Variants in CDKL5 observed in about 807,000 individuals in gnomAD.
CDKL5 encodes cyclin dependent kinase like 5.
In CDKL5, 8 loss-of-function variants were observed where a neutral mutation model predicts 61.7. The observed-to-expected ratio is 0.13, with a 90% CI of 0.08 to 0.23. The LOEUF (loss-of-function observed/expected upper bound fraction) is 0.23. Among genes scored for constraint, CDKL5 ranks in the 10% least tolerant of loss-of-function variants. CDKL5 has a pLI of 1.00. For missense variants in CDKL5, 440 were observed against 734.5 expected (o/e 0.60, Z 4.63); for synonymous variants, 275 against 272.3 (o/e 1.01, Z -0.10).
chrX:18,580,112 A>G (rs1272123969), intron 6 of CDKL5, 144 bp downstream of exon 6: 1 of 510,167 alleles, frequency 2.0e-6, no homozygotes, highest in East Asian at 3.7e-5. Context: ...GCAAGACATG[A>G]GAAATATTTG....
Position 18,604,676 on chromosome X carries a change from A to G in CDKL5, c.1752A>G (p.Ser584=), listed in dbSNP as rs1282721902. 1.7e-6 allele frequency: 2 copies of G among 1,211,674 alleles called. No individual in the cohort carries two copies. The highest frequency in any genetic ancestry group is 1.1e-6 in the Non-Finnish European group (1 of 895,151). The change falls in exon 12 of 18, where the codon TCA becomes TCG. Residue 584 remains serine, a synonymous_variant. Transcript: ENST00000623535. The stretch of plus-strand genomic sequence containing the variant: ...ACATGGACAGTAGCCATTCCCATTC[A>G]CTGTCTGCACCTCACGAATCTTTTT... ...PEHMDSSHSH[S]LSAPHESFSY...
At position 18,542,615 on chromosome X, in the gene CDKL5, T is replaced by A. The variant is rs770967251; in HGVS notation, c.100-21862T>A. ...GTGTTAATGTCTCTTAATTGTCTTC[T>A]TTCATTCATTCAGGTTGTGATTTTC... On this transcript the variant is annotated intron_variant, in intron 3 of 17. Coordinates refer to ENST00000623535, the MANE Select transcript of CDKL5 (RefSeq NM_001323289.2). 2.7e-5 allele frequency among the ~76,000 whole-genome samples: 3 copies of A among 110,900 alleles called. No homozygotes were observed. The East Asian group carries it at 8.5e-4, about 31-fold the overall frequency.
chrX:18,601,341 G>A (rs1174739215), intron 11 of CDKL5, among the ~76,000 whole-genome samples: 1 of 112,072 alleles, frequency 8.9e-6, no homozygotes, highest in East Asian at 2.8e-4. Flanking sequence ...TTGCACCTTC[G>A]ACATTTGCTT....
intron 1 of CDKL5, among the ~76,000 whole-genome samples, chrX:18,439,045 G>GCCCCCCCCCCCCCCCC (rs367844172): frequency 4.3e-4 from 16 of 37,470 alleles, no homozygotes; most frequent in Middle Eastern, 0.019. Flanking sequence ...GCCCCTTTTT[G>GCCCCCCCCCCCCCCCC]CCCCCCCCCC....
At chrX:18,456,901 C>G (rs1932155618) in intron 1 of CDKL5, among the ~76,000 whole-genome samples, 1 of 111,121 alleles carries the variant, frequency 9.0e-6, no homozygotes, top group South Asian at 3.7e-4. Flanking sequence ...AACCCTAACC[C>G]TGTGCTTCTG....
intron 1 of CDKL5, among the ~76,000 whole-genome samples, chrX:18,500,198 G>A: frequency 9.0e-6 from 1 of 110,991 alleles, no homozygotes; most frequent in Non-Finnish European, 1.9e-5. Flanking sequence ...TATATTTATG[G>A]GATACATGTT....
At chrX:18,533,391 C>T (rs1283211199) in intron 3 of CDKL5, among the ~76,000 whole-genome samples, 2 of 111,502 alleles carry the variant, frequency 1.8e-5, no homozygotes, top group Non-Finnish European at 3.8e-5. Flanking sequence ...GGTTCCACCA[C>T]CCTTAGCAGA....
At chrX:18,480,347 G>A (rs768179212) in intron 1 of CDKL5, among the ~76,000 whole-genome samples, 3 of 111,791 alleles carry the variant, frequency 2.7e-5, no homozygotes, top group East Asian at 2.8e-4. Flanking sequence ...GGAAGACCAC[G>A]TAAGTAAAGT....
chrX:18,454,595 C>T (rs1932098798), intron 1 of CDKL5, among the ~76,000 whole-genome samples: 1 of 110,363 alleles, frequency 9.1e-6, no homozygotes, highest in East Asian at 2.8e-4. Context: ...CTTGCTCTGT[C>T]TCCCAGGCTG....
At position 18,539,597 on chromosome X, in the gene CDKL5, A is replaced by G. The variant is rs147012014; in HGVS notation, c.100-24880A>G. 4.7e-3 allele frequency among the ~76,000 whole-genome samples: 521 copies of G among 111,477 alleles called. 2 individuals carry two copies. Among genetic ancestry groups the G allele is most frequent in the African/African-American group, 0.016 (495 of 30,730 alleles). ...CTCTGTATGATTTCAGCTCTTTAAA[A>G]TTTGTTAAGGTTTGTTTTGTGGCCC... On this transcript the variant is annotated intron_variant, in intron 3 of 17. Coordinates refer to ENST00000623535, the MANE Select transcript of CDKL5 (RefSeq NM_001323289.2).
chrX:18,546,898 T>C (rs1014259215), intron 3 of CDKL5, among the ~76,000 whole-genome samples: 8 of 111,431 alleles, frequency 7.2e-5, no homozygotes, highest in Non-Finnish European at 1.1e-4. Flanking sequence ...CCTGCAGTGC[T>C]TCCTGCAGGA....
At chrX:18,529,976 A>G (rs1338820078) in intron 3 of CDKL5, among the ~76,000 whole-genome samples, 3 of 111,165 alleles carry the variant, frequency 2.7e-5, no homozygotes, top group Non-Finnish European at 5.7e-5. Context: ...TTCCAATTAC[A>G]TATGTTACAC....
intron 3 of CDKL5, among the ~76,000 whole-genome samples, chrX:18,548,491 A>G (rs890776296): frequency 7.1e-5 from 8 of 112,406 alleles, no homozygotes; most frequent in African/African-American, 2.6e-4. Flanking sequence ...AGGAAAAGAA[A>G]ATAAAAATTG....
At chrX:18,617,212 G>A (rs1478506088) in intron 15 of CDKL5, among the ~76,000 whole-genome samples, 1 of 111,497 alleles carries the variant, frequency 9.0e-6, no homozygotes, top group Non-Finnish European at 1.9e-5. Flanking sequence ...GATAACGTTA[G>A]AGTCCCATGC....
At chrX:18,603,576 C>T (rs996777835) in intron 11 of CDKL5, among the ~76,000 whole-genome samples, 2 of 112,392 alleles carry the variant, frequency 1.8e-5, no homozygotes, top group Non-Finnish European at 3.8e-5. Context: ...AGCAGTCATT[C>T]TATCACAAAC....
intron 21 of CDKL5, chrX:18,650,632 T>C: frequency 1.7e-6 from 2 of 1,187,318 alleles, no homozygotes; most frequent in Non-Finnish European, 2.3e-6. Context: ...CAGCCTGGGC[T>C]GTACCTCGGA....
intron 1 of CDKL5, among the ~76,000 whole-genome samples, chrX:18,483,424 CT>C (rs1201122527): frequency 1.8e-4 from 19 of 105,053 alleles, no homozygotes; most frequent in East Asian, 3.0e-4. Flanking sequence ...TGTTCATCAT[CT>C]TTTTTTTTTT....
At chrX:18,598,668 G>A (rs1224330867) in intron 11 of CDKL5, 55 bp downstream of exon 11, 1 of 1,080,189 alleles carries the variant, frequency 9.3e-7, no homozygotes, top group East Asian at 3.0e-5. Flanking sequence ...ACAAGTAGGT[G>A]GAGGAGGTGG....
chrX:18,642,586 G>C (rs1406496022), downstream of CDKL5, among the ~76,000 whole-genome samples: 2 of 111,815 alleles, frequency 1.8e-5, no homozygotes, highest in Admixed American at 9.5e-5. Flanking sequence ...ATTTTGAAAA[G>C]GCCCACATCA....
Sources: allele counts gnomAD v4.1 joint callset (sites outside exome capture counted in the v4.1 genomes callset), GRCh38; gene constraint gnomAD v4.1.1; transcripts MANE v1.5; gene names NCBI Gene and HGNC (gene_info 2026-07-23, HGNC 2026-07-21).